The following INTS6 variants were observed in gnomAD, a reference collection of about 807,000 sequenced individuals.
The protein encoded by INTS6 is integrator complex subunit 6.
In INTS6, 16 loss-of-function variants were observed where a neutral mutation model predicts 104.9. The ratio of observed to expected loss-of-function variants is 0.15; its 90% CI spans 0.10 to 0.23. INTS6 has a LOEUF of 0.23. INTS6 is among the 10% of genes least tolerant of loss of function. The probability of loss-of-function intolerance (pLI) is 1.00; values close to 1 mark genes in which losing one functional copy is unlikely to be tolerated. For synonymous variants in INTS6, 324 were observed against 358.7 expected (o/e 0.90, Z 1.09); for missense variants, 584 against 1,062.8 (o/e 0.55, Z 6.26).
At chr13:51,342,580 A>G in the INTS6 span, among the ~76,000 whole-genome samples, 1 of 152,214 alleles carries the variant, frequency 6.6e-6, no homozygotes. Context: ...AGGCTAGGGC[A>G]GAGAAAAGAT....
intron 16 of INTS6, 83 bp downstream of exon 16, chr13:51,368,854 TAC>T (rs1955743062): frequency 7.4e-7 from 1 of 1,353,066 alleles, no homozygotes; most frequent in African/African-American, 1.5e-5. Context: ...ATTCTTTTAC[TAC>T]AGTTACTTGA....
At chr13:51,395,945 G>A (rs1009494106) in intron 4 of INTS6, among the ~76,000 whole-genome samples, 7 of 151,904 alleles carry the variant, frequency 4.6e-5, no homozygotes, top group Non-Finnish European at 1.0e-4. Context: ...TTACAGGTAC[G>A]CAACACCACG....
intron 10 of INTS6, among the ~76,000 whole-genome samples, chr13:51,381,732 CTT>C (rs1421021638): frequency 6.9e-6 from 1 of 145,918 alleles, no homozygotes; most frequent in Non-Finnish European, 1.5e-5. Context: ...GTGTTTCGCT[CTT>C]GTTGCCCAGG....
chr13:51,431,195 C>T (rs797021378), intron 3 of INTS6, among the ~76,000 whole-genome samples: 1 of 152,190 alleles, frequency 6.6e-6, no homozygotes, highest in African/African-American at 2.4e-5. Flanking sequence ...TAAATGGCTC[C>T]CATTTGAAGG....
chr13:51,427,706 A>G (rs1007946775), intron 4 of INTS6, among the ~76,000 whole-genome samples: 2 of 152,198 alleles, frequency 1.3e-5, no homozygotes, highest in Non-Finnish European at 2.9e-5. Context: ...CACCTCAGAT[A>G]ATAAGGTGCA....
At chr13:51,354,904 G>A (rs376249636) in intron 3 of INTS6, 58 of 617,404 alleles carry the variant, frequency 9.4e-5, no homozygotes, top group Non-Finnish European at 1.5e-4. Flanking sequence ...ATGGGAAGGC[G>A]CCATGGAAGA....
chr13:51,377,547 C>A (rs913011179), intron 12 of INTS6, among the ~76,000 whole-genome samples: 2 of 151,964 alleles, frequency 1.3e-5, no homozygotes, highest in African/African-American at 4.8e-5. Flanking sequence ...ATATGGATAT[C>A]CAATTGTTCC....
intron 3 of INTS6, chr13:51,450,692 T>C (rs1430739342): frequency 2.0e-6 from 2 of 1,004,236 alleles, no homozygotes; most frequent in African/African-American, 1.7e-5. Context: ...GCCACTATAA[T>C]AGTTGCACAT....
intron 4 of INTS6, among the ~76,000 whole-genome samples, chr13:51,427,202 C>G (rs1370046426): frequency 6.6e-6 from 1 of 152,102 alleles, no homozygotes; most frequent in Admixed American, 6.6e-5. Flanking sequence ...ACACCAGCCA[C>G]AAGCCAAACA....
At chr13:51,411,581 C>T (rs1956689386) in intron 4 of INTS6, among the ~76,000 whole-genome samples, 1 of 150,852 alleles carries the variant, frequency 6.6e-6, no homozygotes, top group African/African-American at 2.4e-5. Context: ...AAAAGAAACA[C>T]ATGAAAAGAT....
At chr13:51,440,877 C>G (rs774614932) in intron 3 of INTS6, 1 of 152,102 alleles carries the variant, frequency 6.6e-6, no homozygotes, top group Admixed American at 6.5e-5. Context: ...CATTGTTAAG[C>G]GATACATAAC....
chr13:51,334,833 A>G, the INTS6 span, among the ~76,000 whole-genome samples: 1 of 151,882 alleles, frequency 6.6e-6, no homozygotes, highest in African/African-American at 2.4e-5. Flanking sequence ...AATACAAAAA[A>G]TTAGCTGGGC....
rs1383432458 is a variant in INTS6 at position 51,383,697 on chromosome 13, G to A, written c.939C>T (p.Asp313=). 6.2e-7 allele frequency: 1 copy of A among 1,613,758 alleles called. No individual in the cohort carries two copies. Among genetic ancestry groups the A allele is most frequent in the African/African-American group, 1.3e-5 (1 of 74,912 alleles). The change falls in exon 8 of 18, where the codon GAC becomes GAT. Residue 313 remains aspartate, a synonymous_variant. Transcript: ENST00000311234. ...GTTTATCAATAACCATTGGTTCACAGTCTGTACAGGAAAACTTCACTACAG... is the reference window on the plus strand; with the variant it reads ...GTTTATCAATAACCATTGGTTCACAATCTGTACAGGAAAACTTCACTACAG... ...SHPVVKFSCT[D]CEPMVIDKLP... is the part of the protein sequence containing the mutation.
At chr13:51,339,311 G>A in the INTS6 span, 3 of 152,220 alleles carry the variant, frequency 2.0e-5, no homozygotes, top group Non-Finnish European at 4.4e-5. Context: ...TTCTTCACAG[G>A]AGGAGGGGGG....
intron 4 of INTS6, among the ~76,000 whole-genome samples, chr13:51,401,883 T>C (rs2137993023): frequency 6.6e-6 from 1 of 152,246 alleles, no homozygotes; most frequent in South Asian, 2.1e-4. Context: ...AAATCAAATG[T>C]TGAATTAATA....
chr13:51,342,178 C>CAAAAAA, the INTS6 span, among the ~76,000 whole-genome samples: 120 of 62,836 alleles, frequency 1.9e-3, no homozygotes, highest in East Asian at 3.2e-3. Flanking sequence ...AAAGACAGAA[C>CAAAAAA]AAAAAAAAAA....
downstream of INTS6, among the ~76,000 whole-genome samples, chr13:51,357,690 A>G (rs183075623): frequency 3.3e-5 from 5 of 152,050 alleles, no homozygotes; most frequent in East Asian, 9.7e-4. Flanking sequence ...CCTTGATACT[A>G]GATGTTATGC....
chr13:51,451,967 A>G lies in INTS6; in HGVS notation c.189+11T>C. ...GGGAAGGGAGGAAAGGGGGAGGGCG[A>G]GGGCTGTTACCTTGATAGCATAGGG... On this transcript the variant is annotated intron_variant, in intron 2 of 17. Coordinates refer to ENST00000311234, the MANE Select transcript of INTS6 (RefSeq NM_012141.3). The G allele has an allele frequency of 6.2e-7, 1 of 1,603,302 alleles. No homozygotes were observed. The highest frequency in any genetic ancestry group is 8.5e-7 in the Non-Finnish European group (1 of 1,173,096).
exon 4 of INTS6, chr13:51,354,159 C>T (rs1016768339): frequency 6.6e-6 from 1 of 152,040 alleles, no homozygotes; most frequent in Non-Finnish European, 1.5e-5. Context: ...TAGTCAACAG[C>T]CTCTTTTCTG....
Sources: gnomAD v4.1 joint callset for allele counts (sites outside exome capture counted in the v4.1 genomes callset) on GRCh38, gnomAD v4.1.1 for gene constraint, MANE v1.5 for transcripts, NCBI Gene and HGNC (gene_info 2026-07-23, HGNC 2026-07-21) for gene names.